The following CACHD1 variants were observed in gnomAD, a reference collection of about 807,000 sequenced individuals.
The protein encoded by CACHD1 is VWFA and cache domain-containing protein 1.
CACHD1 carries 71 observed loss-of-function variants against 138.7 expected under a neutral mutation model. The observed-to-expected ratio is 0.51, with a 90% CI of 0.42 to 0.62. The LOEUF (loss-of-function observed/expected upper bound fraction) is 0.62. Ranked by LOEUF, CACHD1 falls within the 20% of genes least tolerant of loss-of-function variation. The pLI, the probability that CACHD1 is intolerant of heterozygous loss-of-function variation, is 0.00. For synonymous variants in CACHD1, 578 were observed against 591.5 expected (o/e 0.98, Z 0.33); for missense variants, 1,389 against 1,625.3 (o/e 0.85, Z 2.50).
intron 12 of CACHD1, among the ~76,000 whole-genome samples, chr1:64,656,371 C>A (rs1649261651): frequency 6.6e-6 from 1 of 152,112 alleles, no homozygotes; most frequent in Non-Finnish European, 1.5e-5. Flanking sequence ...ATATTTATAT[C>A]ATTTTTAAAG....
intron 6 of CACHD1, among the ~76,000 whole-genome samples, chr1:64,633,263 A>G (rs781437084): frequency 2.0e-5 from 3 of 152,212 alleles, no homozygotes; most frequent in Non-Finnish European, 4.4e-5. Flanking sequence ...TTTTAAATCC[A>G]TCTTTAAAAG....
chr1:64,517,246 A>G (rs942052359), intron 1 of CACHD1, among the ~76,000 whole-genome samples: 1 of 152,220 alleles, frequency 6.6e-6, no homozygotes, highest in Non-Finnish European at 1.5e-5. Context: ...ATGTGCTTTT[A>G]GTTCTACTAA....
chr1:64,520,581 T>C (rs552176643), intron 1 of CACHD1, among the ~76,000 whole-genome samples: 16 of 152,360 alleles, frequency 1.1e-4, no homozygotes, highest in Admixed American at 7.2e-4. Flanking sequence ...TACTGAATTA[T>C]TGTTAAGTTA....
intron 7 of CACHD1, among the ~76,000 whole-genome samples, chr1:64,636,934 T>G (rs533816871): frequency 4.6e-5 from 7 of 152,290 alleles, no homozygotes; most frequent in Non-Finnish European, 8.8e-5. Flanking sequence ...TACAGGATGT[T>G]GCTCATTTAG....
chr1:64,559,630 G>C (rs915178238), intron 2 of CACHD1, among the ~76,000 whole-genome samples: 1 of 151,812 alleles, frequency 6.6e-6, no homozygotes, highest in Admixed American at 6.6e-5. Context: ...ACCTTCACAT[G>C]TACACCCAAA....
intron 22 of CACHD1, 82 bp from the exon 23 acceptor site, chr1:64,678,077 A>G: frequency 7.0e-7 from 1 of 1,426,086 alleles, no homozygotes; most frequent in Non-Finnish European, 9.5e-7. Flanking sequence ...GGAGATCCTG[A>G]GAACTGTCTG....
intron 8 of CACHD1, among the ~76,000 whole-genome samples, chr1:64,646,815 A>G (rs1226310987): frequency 1.3e-5 from 2 of 152,226 alleles, no homozygotes; most frequent in Admixed American, 6.5e-5. Flanking sequence ...TGCTACAAGT[A>G]TGTACACTCT....
At chr1:64,632,513 C>A in intron 5 of CACHD1, 86 bp from the exon 6 acceptor site, 1 of 1,382,472 alleles carries the variant, frequency 7.2e-7, no homozygotes, top group Non-Finnish European at 1.0e-6. Context: ...CCAACATGCC[C>A]ATGCACTGTA....
At position 64,654,668 on chromosome 1, in the gene CACHD1, TTC is replaced by T. The variant is rs765636646; in HGVS notation, c.1665-16_1665-15del. The stretch of plus-strand genomic sequence containing the variant: ...TTTATCTTTTGCCTGAAATATTTAA[TTC>T]TGTTTGCCAACACAGCCTCCCTCTG... On this transcript the variant is annotated splice_polypyrimidine_tract_variant and intron_variant, in intron 11 of 26. Coordinates refer to ENST00000651257, the MANE Select transcript of CACHD1 (RefSeq NM_020925.4). 211 of 1,564,888 alleles carry T rather than the reference TTC, an allele frequency of 1.3e-4. No individual in the cohort carries two copies. The African/African-American group carries it at 2.5e-3, about 18-fold the overall frequency.
rs986712599 is a variant in CACHD1, at chr1:64,665,081, C to CT, written c.2276+411dup. Reference sequence around the variant, plus strand: ...TCAAAAACATTCTTTTACTTCTAGGCTTTTTTTTTACTTTAATTTTCAAAA... The same window carrying CT: ...TCAAAAACATTCTTTTACTTCTAGGCTTTTTTTTTTACTTTAATTTTCAAAA... On this transcript the variant is annotated intron_variant, in intron 15 of 26. Transcript: ENST00000651257. 1.2e-4 allele frequency among the ~76,000 whole-genome samples: 18 copies of CT among 151,210 alleles called. No individual in the cohort carries two copies. The East Asian group carries it at 2.1e-3, about 18-fold the overall frequency.
Position 64,654,821 on chromosome 1 carries a change from G to A in CACHD1, c.1782+18G>A. 4 of 1,567,670 alleles carry A rather than the reference G, an allele frequency of 2.6e-6. No individual in the cohort carries two copies. Among genetic ancestry groups the A allele is most frequent in the Non-Finnish European group, 3.5e-6 (4 of 1,138,218 alleles). ...GGAAGATGGTGAGTGAGAGGAAGTT[G>A]TGTTTGCTTGAAGAGCTACAGGGTA... On this transcript the variant is annotated intron_variant, in intron 12 of 26. Transcript: ENST00000651257.
intron 4 of CACHD1, among the ~76,000 whole-genome samples, chr1:64,606,108 C>CACACACACACACACACACACAT (rs1647329079): frequency 6.7e-6 from 1 of 148,774 alleles, no homozygotes. Context: ...GAGCTGTAAA[C>CACACACACACACACACACACAT]ACACACACAC....
At chr1:64,621,121 T>C (rs747939193) in intron 4 of CACHD1, among the ~76,000 whole-genome samples, 5 of 152,178 alleles carry the variant, frequency 3.3e-5, no homozygotes, top group Non-Finnish European at 7.3e-5. Flanking sequence ...AAATGGTAAA[T>C]ACTTGAAATG....
At chr1:64,679,942 C>T (rs565027961) in intron 24 of CACHD1, among the ~76,000 whole-genome samples, 186 bp downstream of exon 24, 4 of 152,308 alleles carry the variant, frequency 2.6e-5, no homozygotes, top group African/African-American at 9.6e-5. Flanking sequence ...TATTTTGATC[C>T]CCGGAAAAAT....
chr1:64,471,406 G>A (rs1179422910), intron 1 of CACHD1, among the ~76,000 whole-genome samples: 3 of 152,096 alleles, frequency 2.0e-5, no homozygotes, highest in Non-Finnish European at 4.4e-5. Context: ...CCCCTTGACC[G>A]CGTCCTCGCG....
chr1:64,523,259 T>C (rs1646511473), intron 1 of CACHD1, among the ~76,000 whole-genome samples: 1 of 152,234 alleles, frequency 6.6e-6, no homozygotes, highest in African/African-American at 2.4e-5. Context: ...AGCATATAGA[T>C]GAACAAGATT....
intron 16 of CACHD1, among the ~76,000 whole-genome samples, chr1:64,667,995 T>A (rs2100711573): frequency 6.6e-6 from 1 of 152,286 alleles, no homozygotes; most frequent in Non-Finnish European, 1.5e-5. Context: ...TTGGTCCAAG[T>A]GAATCACAAT....
chr1:64,590,659 GGTTTT>G (rs5774709), intron 3 of CACHD1, among the ~76,000 whole-genome samples: 2,439 of 152,012 alleles, frequency 0.016, 74 homozygotes, highest in African/African-American at 0.055. Flanking sequence ...TCAAGTCAAG[GGTTTT>G]GTTTTGTTTT....
intron 15 of CACHD1, 147 bp downstream of exon 15, chr1:64,664,826 G>T: frequency 1.5e-6 from 1 of 651,890 alleles, no homozygotes; most frequent in Non-Finnish European, 2.5e-6. Flanking sequence ...AGTTTTTTCA[G>T]TGCAGCATTA....
Sources: gnomAD v4.1 joint callset for allele counts (sites outside exome capture counted in the v4.1 genomes callset) on GRCh38, gnomAD v4.1.1 for gene constraint, MANE v1.5 for transcripts, NCBI Gene and HGNC (gene_info 2026-07-23, HGNC 2026-07-21) for gene names.